SNX13: variants seen among roughly 807,000 people sequenced by gnomAD.
SNX13 encodes the protein sorting nexin 13.
SNX13 carries 45 observed loss-of-function variants against 133.6 expected under a neutral mutation model. The observed-to-expected ratio is 0.34, with a 90% CI of 0.27 to 0.43. The LOEUF (loss-of-function observed/expected upper bound fraction) is 0.43. Among genes scored for constraint, SNX13 ranks in the 20% least tolerant of loss-of-function variants. The pLI is 1.00. For synonymous variants in SNX13, 414 were observed against 373.9 expected, an observed-to-expected ratio of 1.11 and a Z score of -1.24; for missense variants, 1,032 against 1,145.1, an observed-to-expected ratio of 0.90 and a Z score of 1.43.
At chr7:17,911,656 G>T (rs1043101483) in intron 1 of SNX13, among the ~76,000 whole-genome samples, 5 of 142,400 alleles carry the variant, frequency 3.5e-5, no homozygotes, top group East Asian at 2.1e-4. Flanking sequence ...AAAAAAAAAA[G>T]TTTAACATAA....
chr7:17,812,903 C>T (rs1786212634), intron 20 of SNX13, among the ~76,000 whole-genome samples: 1 of 151,828 alleles, frequency 6.6e-6, no homozygotes, highest in Admixed American at 6.6e-5. Flanking sequence ...GAACAGAAAA[C>T]CAAACACCAC....
At chr7:17,821,975 A>G (rs1787346475) in intron 17 of SNX13, among the ~76,000 whole-genome samples, 1 of 152,180 alleles carries the variant, frequency 6.6e-6, no homozygotes, top group Admixed American at 6.5e-5. Flanking sequence ...ACATCATTAC[A>G]TTGCTACATC....
chr7:17,894,332 A>C (rs1228549152), intron 2 of SNX13, among the ~76,000 whole-genome samples: 1 of 152,114 alleles, frequency 6.6e-6, no homozygotes, highest in African/African-American at 2.4e-5. Flanking sequence ...CCCTTATTAA[A>C]CAAGTAGGCT....
intron 1 of SNX13, among the ~76,000 whole-genome samples, chr7:17,934,785 T>C (rs1801836227): frequency 6.6e-6 from 1 of 152,162 alleles, no homozygotes; most frequent in African/African-American, 2.4e-5. Context: ...GAAAAACTGC[T>C]CAGCATCACT....
At chr7:17,919,296 C>T (rs1456163693) in intron 1 of SNX13, among the ~76,000 whole-genome samples, 2 of 152,062 alleles carry the variant, frequency 1.3e-5, no homozygotes, top group Non-Finnish European at 2.9e-5. Context: ...TCAGAAAAGC[C>T]ATAAATACTA....
intron 9 of SNX13, among the ~76,000 whole-genome samples, chr7:17,853,291 G>A (rs1183057834): frequency 6.6e-6 from 1 of 152,178 alleles, no homozygotes. Flanking sequence ...AGTACAGGAT[G>A]TTGTAGAGGG....
chr7:17,895,830 G>T (rs1033340149), intron 2 of SNX13, among the ~76,000 whole-genome samples: 2 of 152,078 alleles, frequency 1.3e-5, no homozygotes, highest in African/African-American at 4.8e-5. Context: ...AGTAAAAAAA[G>T]AAATAATTAT....
chr7:17,872,658 A>T (rs1794251054), intron 8 of SNX13, among the ~76,000 whole-genome samples: 1 of 152,236 alleles, frequency 6.6e-6, no homozygotes, highest in Non-Finnish European at 1.5e-5. Context: ...AGCTAGGTAG[A>T]TGTTAGGAAA....
At chr7:17,837,683 T>C (rs948954063) in intron 13 of SNX13, among the ~76,000 whole-genome samples, 1 of 152,032 alleles carries the variant, frequency 6.6e-6, no homozygotes, top group South Asian at 2.1e-4. Context: ...AGCATAATGA[T>C]GTCATCATAA....
At chr7:17,928,726 A>G (rs1392960183) in intron 1 of SNX13, among the ~76,000 whole-genome samples, 1 of 152,216 alleles carries the variant, frequency 6.6e-6, no homozygotes, top group African/African-American at 2.4e-5. Context: ...GTGTTAAGAT[A>G]ACTTTCAGGG....
intron 8 of SNX13, among the ~76,000 whole-genome samples, chr7:17,869,445 C>T (rs1286451064): frequency 1.3e-5 from 2 of 151,892 alleles, no homozygotes; most frequent in Non-Finnish European, 2.9e-5. Context: ...CTGGTATTAC[C>T]CTTTAGTGCC....
intron 5 of SNX13, chr7:17,880,783 C>T (rs1369951568): frequency 6.6e-6 from 1 of 152,124 alleles, no homozygotes; most frequent in East Asian, 1.9e-4. Flanking sequence ...TTGACGAGAA[C>T]CACACACACA....
intron 19 of SNX13, among the ~76,000 whole-genome samples, chr7:17,815,749 C>A (rs1313256943): frequency 2.0e-5 from 3 of 152,138 alleles, no homozygotes; most frequent in Admixed American, 1.3e-4. Context: ...CAAGTTTTGA[C>A]ATACTGAGTT....
chr7:17,869,652 T>C, intron 8 of SNX13, among the ~76,000 whole-genome samples: 1 of 152,160 alleles, frequency 6.6e-6, no homozygotes, highest in East Asian at 1.9e-4. Context: ...GAATCAGTAT[T>C]TCCAAAAAGC....
At chr7:17,862,766 T>C (rs1562796794) in intron 9 of SNX13, among the ~76,000 whole-genome samples, 1 of 152,142 alleles carries the variant, frequency 6.6e-6, no homozygotes, top group African/African-American at 2.4e-5. Flanking sequence ...GTCTTAAATA[T>C]ACATTATTGG....
Position 17,792,702 on chromosome 7 carries a change from A to G in SNX13, c.*1343T>C, listed in dbSNP as rs776291194. The G allele has an allele frequency of 5.3e-5, 8 of 152,366 alleles. No individual in the cohort carries two copies. The highest frequency in any genetic ancestry group is 8.8e-5 in the Non-Finnish European group (6 of 67,876). 9.4% of individuals were successfully genotyped at this position (152,366 alleles called of 1,614,324 possible). ...AGTGTTAAATATTTTTAAAACAAAA[A>G]AAGCTGACACACCCAAACCCTTAGG... On this transcript the variant is annotated 3_prime_UTR_variant, in exon 26 of 26. Transcript: ENST00000428135.
chr7:17,937,175 T>C (rs1484035956), intron 1 of SNX13, among the ~76,000 whole-genome samples: 4 of 151,968 alleles, frequency 2.6e-5, no homozygotes, highest in Non-Finnish European at 5.9e-5. Context: ...CCAAAAAGTT[T>C]ACATCGAGAA....
intron 8 of SNX13, among the ~76,000 whole-genome samples, chr7:17,872,658 A>G (rs1794251054): frequency 6.6e-6 from 1 of 152,236 alleles, no homozygotes; most frequent in Non-Finnish European, 1.5e-5. Flanking sequence ...AGCTAGGTAG[A>G]TGTTAGGAAA....
intron 2 of SNX13, 136 bp from the exon 3 acceptor site, chr7:17,893,570 G>C (rs1193132773): frequency 3.3e-6 from 2 of 602,268 alleles, no homozygotes; most frequent in Non-Finnish European, 5.8e-6. Flanking sequence ...CTTTGGCAAA[G>C]CAAGAAATTG....
Sources: gnomAD v4.1 joint callset for allele counts (sites outside exome capture counted in the v4.1 genomes callset) on GRCh38, gnomAD v4.1.1 for gene constraint, MANE v1.5 for transcripts, NCBI Gene and HGNC (gene_info 2026-07-23, HGNC 2026-07-21) for gene names.